Variants in EIF4E3 observed in about 807,000 individuals in gnomAD.
EIF4E3 encodes eukaryotic translation initiation factor 4E type 3.
EIF4E3 carries 26 observed loss-of-function variants against 31.7 expected under a neutral mutation model. The ratio of observed to expected loss-of-function variants is 0.82; its 90% confidence interval spans 0.60 to 1.14. The LOEUF (loss-of-function observed/expected upper bound fraction) is 1.14. EIF4E3 is among the 50% of genes most tolerant of loss of function. The pLI, the probability that EIF4E3 is intolerant of heterozygous loss-of-function variation, is 0.00. For synonymous variants in EIF4E3, 128 were observed against 107.7 expected, an observed-to-expected ratio of 1.19 and a Z score of -1.17; for missense variants, 304 against 270.9, an observed-to-expected ratio of 1.12 and a Z score of -0.86.
At chr3:71,709,303 C>A (rs2049341314) in intron 2 of EIF4E3, among the ~76,000 whole-genome samples, 1 of 152,190 alleles carries the variant, frequency 6.6e-6, no homozygotes, top group African/African-American at 2.4e-5. Flanking sequence ...CCTGCACCAG[C>A]CCGCTAAACT....
chr3:71,693,854 C>T (rs372131641), intron 5 of EIF4E3, 21 bp downstream of exon 5: 94 of 1,527,648 alleles, frequency 6.2e-5, no homozygotes, highest in South Asian at 3.7e-4. Flanking sequence ...CAGGGCCGGC[C>T]GGAGCCGTGG....
At chr3:71,725,504 G>A, upstream of EIF4E3, 2 of 383,142 alleles carry the variant, frequency 5.2e-6, no homozygotes, top group Non-Finnish European at 7.0e-6. This position sits in a 1 kb window ranked among gnomAD's most constrained non-coding sequence, Gnocchi z 6.1. Context: ...CCCGCCGCCC[G>A]CCGCCCGCCG....
At chr3:71,740,074 T>C (rs751105007) in intron 1 of EIF4E3, among the ~76,000 whole-genome samples, 1 of 150,808 alleles carries the variant, frequency 6.6e-6, no homozygotes, top group Non-Finnish European at 1.5e-5. Context: ...AGCACTAAAA[T>C]AACAAAGCAA....
chr3:71,736,990 G>T (rs2049770519), intron 1 of EIF4E3, among the ~76,000 whole-genome samples: 1 of 152,162 alleles, frequency 6.6e-6, no homozygotes, highest in Non-Finnish European at 1.5e-5. Flanking sequence ...GTCTATTAAA[G>T]AAAAATATCA....
chr3:71,673,378 G>A (rs925117471), downstream of EIF4E3, among the ~76,000 whole-genome samples: 5 of 152,094 alleles, frequency 3.3e-5, no homozygotes, highest in Non-Finnish European at 7.3e-5. Flanking sequence ...TTGGCCAGGA[G>A]TCAAGGGCTT....
chr3:71,670,158 A>G, the EIF4E3 span, among the ~76,000 whole-genome samples: 1 of 152,148 alleles, frequency 6.6e-6, no homozygotes, highest in Non-Finnish European at 1.5e-5. Context: ...GCTCTGGTAG[A>G]TTTTACCTGT....
intron 6 of EIF4E3, among the ~76,000 whole-genome samples, chr3:71,689,728 C>G (rs990026736): frequency 2.0e-5 from 3 of 151,700 alleles, no homozygotes; most frequent in African/African-American, 7.3e-5. Context: ...CTGAGAATTA[C>G]AAATTTGAGT....
At chr3:71,730,121 G>T (rs748838856), upstream of EIF4E3, among the ~76,000 whole-genome samples, 1 of 152,190 alleles carries the variant, frequency 6.6e-6, no homozygotes, top group Non-Finnish European at 1.5e-5. Flanking sequence ...AAGGTGTGTT[G>T]CAGCTGGTCA....
chr3:71,701,789 T>C (rs1201804467), intron 2 of EIF4E3, among the ~76,000 whole-genome samples: 1 of 152,122 alleles, frequency 6.6e-6, no homozygotes, highest in Admixed American at 6.5e-5. Flanking sequence ...TAAGATCAAA[T>C]TGAAGGCAAA....
chr3:71,746,290 T>C (rs1489991755), intron 1 of EIF4E3, among the ~76,000 whole-genome samples: 1 of 152,224 alleles, frequency 6.6e-6, no homozygotes, highest in Non-Finnish European at 1.5e-5. Flanking sequence ...TTATTAATCA[T>C]ATATGCAAAA....
In EIF4E3 at chr3:71,687,198, C is replaced by T. The variant is rs369962996; in HGVS notation, c.629-2470G>A. Among the ~76,000 whole-genome samples the T allele has an allele frequency of 2.3e-3, 353 of 152,152 alleles. 3 individuals carry two copies. The highest frequency in any genetic ancestry group is 8.2e-3 in the African/African-American group (342 of 41,504). Reference sequence around the variant, plus strand: ...TATATTTTTAGTAGAGATGGGGTTTCGCCATGTTGGCCAGGCTGGTCTTTA... The same window carrying T: ...TATATTTTTAGTAGAGATGGGGTTTTGCCATGTTGGCCAGGCTGGTCTTTA... On this transcript the variant is annotated intron_variant, in intron 6 of 6. Coordinates refer to ENST00000425534, the MANE Select transcript of EIF4E3 (RefSeq NM_001134651.2).
chr3:71,672,710 C>T (rs1271247219), downstream of EIF4E3, among the ~76,000 whole-genome samples: 6 of 152,158 alleles, frequency 3.9e-5, no homozygotes, highest in Non-Finnish European at 7.4e-5. Flanking sequence ...GGTCAGCGGG[C>T]GAAACAGCAG....
At chr3:71,693,100 G>T (rs185746049) in intron 5 of EIF4E3, among the ~76,000 whole-genome samples, 3 of 152,124 alleles carry the variant, frequency 2.0e-5, no homozygotes, top group African/African-American at 7.2e-5. Flanking sequence ...CTGAAAGCTG[G>T]GGAAGAAAAA....
At chr3:71,739,693 TC>T (rs1202957575) in intron 1 of EIF4E3, among the ~76,000 whole-genome samples, 5 of 150,654 alleles carry the variant, frequency 3.3e-5, no homozygotes, top group African/African-American at 1.2e-4. Flanking sequence ...TGAGACTCTG[TC>T]TGAAAAAAAA....
chr3:71,698,744 G>A (rs1425416546), intron 3 of EIF4E3, among the ~76,000 whole-genome samples: 2 of 152,176 alleles, frequency 1.3e-5, no homozygotes, highest in East Asian at 1.9e-4. Context: ...TAAGACCAGA[G>A]CATAGGAAGG....
intron 5 of EIF4E3, among the ~76,000 whole-genome samples, chr3:71,691,148 T>C (rs961807906): frequency 2.0e-5 from 3 of 152,194 alleles, no homozygotes; most frequent in African/African-American, 7.2e-5. Flanking sequence ...TGCACTTTCA[T>C]AAACAGTATC....
At chr3:71,711,571 G>T (rs1035378197) in intron 1 of EIF4E3, among the ~76,000 whole-genome samples, 4 of 152,226 alleles carry the variant, frequency 2.6e-5, no homozygotes, top group African/African-American at 9.6e-5. Flanking sequence ...TGAGCTCAGA[G>T]GTGGAGGCAA....
At chr3:71,666,922 G>A in the EIF4E3 span, among the ~76,000 whole-genome samples, 1 of 152,040 alleles carries the variant, frequency 6.6e-6, no homozygotes, top group African/African-American at 2.4e-5. Context: ...CTGCACAACA[G>A]AGCGAGACTT....
upstream of EIF4E3, chr3:71,753,680 AGCG>A (rs914569552): frequency 1.2e-4 from 17 of 145,320 alleles, no homozygotes; most frequent in Non-Finnish European, 2.1e-4. Context: ...CAGCGGCGGC[AGCG>A]GCGGCGGCGG....
Sources: gnomAD v4.1 joint callset for allele counts (sites outside exome capture counted in the v4.1 genomes callset) on GRCh38, gnomAD v4.1.1 for gene constraint, Gnocchi (gnomAD v3.1) non-coding constraint, MANE v1.5 for transcripts, NCBI Gene and HGNC (gene_info 2026-07-23, HGNC 2026-07-21) for gene names.